The following GRID2 variants were observed in gnomAD, a reference collection of about 807,000 sequenced individuals.
The protein encoded by GRID2 is glutamate ionotropic receptor delta type subunit 2.
Under a neutral mutation model 114.8 loss-of-function variants are expected in GRID2, and 33 were observed. The observed-to-expected ratio is 0.29, with a 90% CI of 0.22 to 0.38. The LOEUF (loss-of-function observed/expected upper bound fraction) is 0.38, where lower values mean the gene tolerates loss of function less well. GRID2 is among the 10% of genes least tolerant of loss of function. GRID2 has a pLI of 1.00. For missense variants in GRID2, 1,184 were observed against 1,257.7 expected (o/e 0.94, Z 0.89); for synonymous variants, 505 against 449.9 (o/e 1.12, Z -1.55).
rs1318450448 is a variant in GRID2 at position 93,774,161 on chromosome 4, GTA to G, written c.*1665_*1666del. On this transcript the variant is annotated 3_prime_UTR_variant, in exon 16 of 16. Transcript: ENST00000282020. ...CTAATTCTGTTCTGGGGAGCATCTT[GTA>G]TTGTCACTGTTTTGTACTAAATCTT... 1.3e-5 allele frequency: 2 copies of G among 152,074 alleles called. No individual in the cohort carries two copies. Among genetic ancestry groups the G allele is most frequent in the African/African-American group, 4.8e-5 (2 of 41,442 alleles). The allele number at this position is 152,074 out of a possible 1,614,324, so 9.4% of individuals were successfully genotyped here.
chr4:93,545,003 C>A (rs960011031), intron 13 of GRID2, among the ~76,000 whole-genome samples: 2 of 152,070 alleles, frequency 1.3e-5, no homozygotes, highest in Non-Finnish European at 2.9e-5. Flanking sequence ...CCATTTTACA[C>A]CCCCTAAGTG....
intron 2 of GRID2, among the ~76,000 whole-genome samples, chr4:92,866,292 T>A (rs1199874573): frequency 6.6e-6 from 1 of 152,176 alleles, no homozygotes; most frequent in Non-Finnish European, 1.5e-5. Context: ...GTTGCTTCCT[T>A]CTCTGTCATC....
intron 13 of GRID2, among the ~76,000 whole-genome samples, chr4:93,536,011 T>C (rs1331005802): frequency 6.6e-6 from 1 of 151,944 alleles, no homozygotes; most frequent in Non-Finnish European, 1.5e-5. Context: ...GAGAGTAACA[T>C]ATCTATACAA....
At chr4:92,544,989 C>T (rs1180604558) in intron 1 of GRID2, among the ~76,000 whole-genome samples, 1 of 151,856 alleles carries the variant, frequency 6.6e-6, no homozygotes, top group African/African-American at 2.4e-5. Flanking sequence ...AGAAATACAT[C>T]CCATATTTCA....
At chr4:92,670,397 T>C (rs1480421267) in intron 2 of GRID2, among the ~76,000 whole-genome samples, 1 of 152,028 alleles carries the variant, frequency 6.6e-6, no homozygotes, top group Non-Finnish European at 1.5e-5. Flanking sequence ...ACTGATTTAA[T>C]GATAAGATTC....
chr4:92,318,111 G>A (rs980118695), intron 1 of GRID2, among the ~76,000 whole-genome samples: 2 of 151,620 alleles, frequency 1.3e-5, no homozygotes, highest in African/African-American at 2.4e-5. Flanking sequence ...TTTGAATATT[G>A]CACTCTTAAA....
intron 1 of GRID2, among the ~76,000 whole-genome samples, chr4:92,369,448 C>T (rs1293029896): frequency 6.6e-6 from 1 of 152,088 alleles, no homozygotes; most frequent in Non-Finnish European, 1.5e-5. Flanking sequence ...ATTTTTCAAA[C>T]ACTTTTAATC....
chr4:92,756,028 C>T (rs1737703524), intron 2 of GRID2, among the ~76,000 whole-genome samples: 1 of 152,038 alleles, frequency 6.6e-6, no homozygotes, highest in Admixed American at 6.6e-5. Flanking sequence ...ACTATAGTCA[C>T]CCTACTCTAT....
chr4:92,520,656 T>C lies in GRID2; in HGVS notation c.89-69475T>C, dbSNP rs558118338. Reference sequence around the variant, plus strand: ...ACAGATGCACTCTTTCTTACCTCCATTGGGGAGTGCTATTCCAATTCCCCC... The same window carrying C: ...ACAGATGCACTCTTTCTTACCTCCACTGGGGAGTGCTATTCCAATTCCCCC... On this transcript the variant is annotated intron_variant, in intron 1 of 15. Transcript: ENST00000282020. Among the ~76,000 whole-genome samples the C allele has an allele frequency of 2.2e-3, 340 of 152,072 alleles. 1 individual carries two copies. Among genetic ancestry groups the C allele is most frequent in the Non-Finnish European group, 3.1e-3 (212 of 67,916 alleles).
rs70940901 is a variant in GRID2, at chr4:92,502,705, CTTT to C, written c.89-87400_89-87398del. On this transcript the variant is annotated intron_variant, in intron 1 of 15. Transcript: ENST00000282020. ...GCAATGAACTAATGCCATGTGATTT[CTTT>C]TTTTTTTTTTTTTTTTTTTTTTTTT... Among the ~76,000 whole-genome samples the C allele has an allele frequency of 4.2e-3, 268 of 63,956 alleles. 2 individuals carry two copies. Among genetic ancestry groups the C allele is most frequent in the Middle Eastern group, 0.016 (1 of 62 alleles). 42.0% of individuals were successfully genotyped at this position (63,956 alleles called of 152,430 possible).
At chr4:93,114,762 C>T (rs1403499920) in intron 4 of GRID2, among the ~76,000 whole-genome samples, 1 of 152,096 alleles carries the variant, frequency 6.6e-6, no homozygotes, top group African/African-American at 2.4e-5. Flanking sequence ...GCAGTTCATT[C>T]AAAAGACAGG....
At chr4:92,766,052 A>G (rs1373470614) in intron 2 of GRID2, among the ~76,000 whole-genome samples, 2 of 152,196 alleles carry the variant, frequency 1.3e-5, no homozygotes, top group East Asian at 1.9e-4. Context: ...AGCTTGAGCC[A>G]TATTTGACTA....
chr4:92,854,686 A>C (rs2149427227), intron 2 of GRID2, among the ~76,000 whole-genome samples: 1 of 152,158 alleles, frequency 6.6e-6, no homozygotes, highest in African/African-American at 2.4e-5. Context: ...ACACAATAGT[A>C]AAGTTTTACG....
intron 8 of GRID2, among the ~76,000 whole-genome samples, chr4:93,375,501 G>A (rs1340834143): frequency 1.4e-4 from 21 of 152,084 alleles, no homozygotes; most frequent in African/African-American, 4.6e-4. Context: ...GTGAGCCACC[G>A]CGCCTGGCCA....
Position 93,710,138 on chromosome 4 carries a change from A to G in GRID2, c.2361-59072A>G, listed in dbSNP as rs186465678. 4.0e-3 allele frequency among the ~76,000 whole-genome samples: 610 copies of G among 152,270 alleles called. 14 individuals are homozygous for G. The highest frequency in any genetic ancestry group is 1.2e-3 in the Non-Finnish European group (83 of 68,026). ...TCTTAATACTTGTGGATGTTTGTCA[A>G]TGTTTAGGCATTGAACAGTTAGGTA... On this transcript the variant is annotated intron_variant, in intron 14 of 15. Transcript: ENST00000282020.
chr4:93,382,218 G>A (rs186258215), intron 8 of GRID2, among the ~76,000 whole-genome samples: 1 of 152,040 alleles, frequency 6.6e-6, no homozygotes, highest in Admixed American at 6.6e-5. Context: ...TGATAATGTG[G>A]ATCTCTGAGC....
chr4:93,582,024 T>C (rs1027151438), intron 13 of GRID2, among the ~76,000 whole-genome samples: 1 of 152,212 alleles, frequency 6.6e-6, no homozygotes, highest in African/African-American at 2.4e-5. Context: ...TTCCTGTTGC[T>C]CCTGTAACAA....
intron 2 of GRID2, among the ~76,000 whole-genome samples, chr4:92,890,791 C>G (rs1215879058): frequency 6.6e-6 from 1 of 152,146 alleles, no homozygotes; most frequent in Non-Finnish European, 1.5e-5. Context: ...TTAAGTCATT[C>G]TACTATAAAG....
chr4:92,578,307 C>T (rs1728006494), intron 1 of GRID2, among the ~76,000 whole-genome samples: 1 of 123,098 alleles, frequency 8.1e-6, no homozygotes, highest in South Asian at 2.9e-4. Context: ...TGTGATGTTC[C>T]CCTTCCCGTG....
Sources: allele counts gnomAD v4.1 joint callset (sites outside exome capture counted in the v4.1 genomes callset), GRCh38; gene constraint gnomAD v4.1.1; transcripts MANE v1.5; gene names NCBI Gene and HGNC (gene_info 2026-07-23, HGNC 2026-07-21).